Variants in WNK2 observed in about 807,000 individuals in gnomAD.
WNK2 encodes the protein WNK lysine deficient protein kinase 2.
A neutral mutation model predicts 192.1 loss-of-function variants in WNK2; 67 were observed. The ratio of observed to expected loss-of-function variants is 0.35; its 90% confidence interval spans 0.29 to 0.43. The LOEUF (loss-of-function observed/expected upper bound fraction) is 0.43, where lower values mean the gene tolerates loss of function less well. WNK2 is among the 20% of genes least tolerant of loss of function. The pLI is 1.00. For synonymous variants in WNK2, 1,439 were observed against 1,393.9 expected (o/e 1.03, Z -0.72); for missense variants, 2,698 against 3,089.7 (o/e 0.87, Z 3.01).
At chr9:93,188,405 G>A (rs78457798) in intron 2 of WNK2, among the ~76,000 whole-genome samples, 3,618 of 152,270 alleles carry the variant, frequency 0.024, 136 homozygotes, top group African/African-American at 0.081. Flanking sequence ...CTGTAGAGAG[G>A]GTAATATTTA....
chr9:93,293,205 G>A (rs207470375), intron 23 of WNK2, 32 bp downstream of exon 23: 125 of 1,413,904 alleles, frequency 8.8e-5, no homozygotes, highest in Non-Finnish European at 1.1e-4. Flanking sequence ...TGTTGCCCCC[G>A]CCCCTGGGCC....
intron 2 of WNK2, among the ~76,000 whole-genome samples, chr9:93,200,247 C>T (rs1832093536): frequency 6.6e-6 from 1 of 152,098 alleles, no homozygotes; most frequent in Non-Finnish European, 1.5e-5. Flanking sequence ...TGCTCTGGCC[C>T]CTTGAGCCAG....
intron 2 of WNK2, among the ~76,000 whole-genome samples, chr9:93,204,186 A>C (rs1404942088): frequency 6.6e-6 from 1 of 151,980 alleles, no homozygotes; most frequent in Non-Finnish European, 1.5e-5. Flanking sequence ...CCTGGGGGAG[A>C]GTATATGAAA....
At position 93,318,736 on chromosome 9, in the gene WNK2, C is replaced by T; in HGVS notation, c.6628+1105C>T. 4.2e-6 allele frequency: 6 copies of T among 1,437,032 alleles called. No individual in the cohort carries two copies. In the South Asian group the frequency reaches 8.7e-5, roughly 21 times the overall value. The allele number at this position is 1,437,032 out of a possible 1,614,324, so 89.0% of individuals were successfully genotyped here. A position where few individuals can be genotyped will look rare whatever the true frequency, so the allele number is the denominator to read the frequency against. ...CCTGGCATGCAGACCGCTCTCCCGT[C>T]CAGCCCTAAGCCTGCTCTGCGGAGG... is the stretch of plus-strand genomic sequence containing the variant. On this transcript the variant is annotated intron_variant, in intron 29 of 29. Transcript: ENST00000427277.
intron 19 of WNK2, among the ~76,000 whole-genome samples, chr9:93,280,075 G>C (rs1279307404): frequency 6.6e-6 from 1 of 152,202 alleles, no homozygotes; most frequent in Non-Finnish European, 1.5e-5. Flanking sequence ...AGTTTAAACT[G>C]TCTACTCCTT....
chr9:93,230,608 C>T (rs1177647454), intron 3 of WNK2, among the ~76,000 whole-genome samples: 1 of 152,220 alleles, frequency 6.6e-6, no homozygotes, highest in Non-Finnish European at 1.5e-5. Context: ...CACCATCTCC[C>T]AGTGAGGTCA....
intron 19 of WNK2, among the ~76,000 whole-genome samples, chr9:93,281,261 C>T (rs1314054953): frequency 6.6e-6 from 1 of 152,190 alleles, no homozygotes; most frequent in Non-Finnish European, 1.5e-5. Flanking sequence ...CAGAGCATGT[C>T]AGCAGAGGTT....
At chr9:93,243,810 A>G (rs113417102) in intron 7 of WNK2, among the ~76,000 whole-genome samples, 1 of 152,214 alleles carries the variant, frequency 6.6e-6, no homozygotes, top group Non-Finnish European at 1.5e-5. Flanking sequence ...GGTCCTGACA[A>G]CAGCCCTGCC....
chr9:93,282,923 A>G (rs1847944413), intron 19 of WNK2, among the ~76,000 whole-genome samples: 1 of 152,244 alleles, frequency 6.6e-6, no homozygotes, highest in Non-Finnish European at 1.5e-5. Flanking sequence ...ACAAGTTTCA[A>G]AGAATCAAAA....
chr9:93,242,116 G>C (rs1840875539), intron 7 of WNK2, among the ~76,000 whole-genome samples: 1 of 152,196 alleles, frequency 6.6e-6, no homozygotes, highest in Non-Finnish European at 1.5e-5. Context: ...CCAGGGCTCT[G>C]CCTTCCCCTG....
At chr9:93,263,531 C>T (rs1196105976) in intron 14 of WNK2, 35 bp from the exon 15 acceptor site, 1 of 1,607,078 alleles carries the variant, frequency 6.2e-7, no homozygotes. Flanking sequence ...GCTGGTTGTC[C>T]TTTGGTGCCA....
In WNK2 at chr9:93,293,812, CTCTT is replaced by C. The variant is rs371921985; in HGVS notation, c.5708+644_5708+647del. Among the ~76,000 whole-genome samples the C allele has an allele frequency of 5.6e-3, 845 of 152,114 alleles. 7 individuals are homozygous for C. Among genetic ancestry groups the C allele is most frequent in the African/African-American group, 0.02 (812 of 41,494 alleles). ...GTCTGCCTCTCATCTGTCTCCTTCC[CTCTT>C]TCTTCCTTTCTCCTTCTCTCTCTCT... is the stretch of plus-strand genomic sequence containing the variant. On this transcript the variant is annotated intron_variant, in intron 23 of 29. Transcript: ENST00000427277.
chr9:93,189,921 G>A lies in WNK2; in HGVS notation c.681+4311G>A, dbSNP rs1021028613. Among the ~76,000 whole-genome samples the A allele has an allele frequency of 4.3e-4, 66 of 152,194 alleles. 1 individual carries two copies. The highest frequency in any genetic ancestry group is 3.7e-3 in the Admixed American group (57 of 15,282). On this transcript the variant is annotated intron_variant, in intron 2 of 29. Coordinates refer to ENST00000427277, the MANE Select transcript of WNK2 (RefSeq NM_006648.4). ...TGGGGAGAAGAGGAGACGAGGGGAC[G>A]AGCCAGTGCCGGGCACAGAGGAGGT... is the stretch of plus-strand genomic sequence containing the variant.
intron 19 of WNK2, among the ~76,000 whole-genome samples, chr9:93,275,164 A>AT (rs1408638444): frequency 1.3e-5 from 2 of 152,240 alleles, no homozygotes; most frequent in Non-Finnish European, 2.9e-5. Context: ...ACATATGATC[A>AT]TAACAGTTGA....
At chr9:93,185,759 G>A (rs887378354) in intron 2 of WNK2, 149 bp downstream of exon 2, 3 of 979,102 alleles carry the variant, frequency 3.1e-6, no homozygotes, top group Non-Finnish European at 3.0e-6. Flanking sequence ...ATGGCTGGCA[G>A]GATGCATACC....
intron 2 of WNK2, among the ~76,000 whole-genome samples, chr9:93,211,167 C>G (rs955184375): frequency 6.6e-6 from 1 of 151,908 alleles, no homozygotes; most frequent in Non-Finnish European, 1.5e-5. Flanking sequence ...CAGATTCCCT[C>G]ACTCATACAT....
chr9:93,263,124 A>C (rs2133010286), intron 14 of WNK2: 1 of 377,288 alleles, frequency 2.7e-6, no homozygotes. Context: ...TGTTTCAGGA[A>C]ATGAACCGTG....
chr9:93,268,107 G>T, intron 18 of WNK2, 42 bp downstream of exon 18: 1 of 1,579,482 alleles, frequency 6.3e-7, no homozygotes, highest in Non-Finnish European at 8.6e-7. Context: ...GCAGGCGTTT[G>T]ATGAAAGTCC....
At chr9:93,241,820 G>A (rs1304790025) in intron 7 of WNK2, among the ~76,000 whole-genome samples, 1 of 152,162 alleles carries the variant, frequency 6.6e-6, no homozygotes, top group Non-Finnish European at 1.5e-5. Context: ...AGGTTACGCC[G>A]TGAGGTCAGT....
Sources: gnomAD v4.1 joint callset for allele counts (sites outside exome capture counted in the v4.1 genomes callset) on GRCh38, gnomAD v4.1.1 for gene constraint, MANE v1.5 for transcripts, NCBI Gene and HGNC (gene_info 2026-07-23, HGNC 2026-07-21) for gene names.